UHRF2: variants seen among roughly 807,000 people sequenced by gnomAD.
The protein encoded by UHRF2 is E3 ubiquitin-protein ligase UHRF2.
Under a neutral mutation model 96.8 loss-of-function variants are expected in UHRF2, and 23 were observed. The ratio of observed to expected loss-of-function variants is 0.24; its 90% CI spans 0.17 to 0.34. The LOEUF is 0.34. Ranked by LOEUF, UHRF2 falls within the 10% of genes least tolerant of loss-of-function variation. The pLI, the probability that UHRF2 is intolerant of heterozygous loss-of-function variation, is 1.00. For synonymous variants in UHRF2, 385 were observed against 332.6 expected, an observed-to-expected ratio of 1.16 and a Z score of -1.72; for missense variants, 685 against 981.5, an observed-to-expected ratio of 0.70 and a Z score of 4.04.
At chr9:6,417,235 G>A (rs1218425101) in intron 1 of UHRF2, among the ~76,000 whole-genome samples, 1 of 152,078 alleles carries the variant, frequency 6.6e-6, no homozygotes, top group Non-Finnish European at 1.5e-5. Flanking sequence ...GTTACCTGGA[G>A]TTTCTTCTTT....
Position 6,497,217 on chromosome 9 carries a change from G to C in UHRF2, c.1624G>C (p.Asp542His). Residue 542 changes from aspartate to histidine, a missense_variant, in exon 11 of 16, where the codon GAT (aspartate) becomes CAT (histidine). Asp to His is a moderately conservative substitution (Grantham distance 81). Around this residue, in one of 6 missense-constraint regions of UHRF2, gnomAD observed 73 missense variants for 283.7 expected, o/e 0.26. Transcript: ENST00000276893. ...TTTTAGGGCATTGGCCCTAAACTGTGATGCTCCATTGGATGATAAAATTGG... is the reference window on the plus strand; with the variant it reads ...TTTTAGGGCATTGGCCCTAAACTGTCATGCTCCATTGGATGATAAAATTGG... ...NMNRALALNC[D>H]APLDDKIGAE... is the part of the protein sequence containing the mutation. 12 of 1,613,922 alleles carry C rather than the reference G, an allele frequency of 7.4e-6. No homozygotes were observed. Among genetic ancestry groups the C allele is most frequent in the Non-Finnish European group, 1.0e-5 (12 of 1,179,898 alleles).
At position 6,483,904 on chromosome 9, in the gene UHRF2, G is replaced by A. The variant is rs543608722; in HGVS notation, c.1392+1805G>A. ...GGGTTTCTCCATGTTGGTCAGGCTG[G>A]TCTCGAACTCCCAACCTCGGGTGAT... On this transcript the variant is annotated intron_variant, in intron 8 of 15. Coordinates refer to ENST00000276893, the MANE Select transcript of UHRF2 (RefSeq NM_152896.3). Among the ~76,000 whole-genome samples the A allele has an allele frequency of 5.9e-5, 9 of 152,208 alleles. No homozygotes were observed. In the South Asian group the frequency reaches 1.7e-3, roughly 28 times the overall value.
intron 10 of UHRF2, chr9:6,495,162 C>G (rs888220974): frequency 6.6e-6 from 1 of 152,094 alleles, no homozygotes; most frequent in African/African-American, 2.4e-5. Context: ...AAGGAACTTC[C>G]TTCATAACTA....
At position 6,506,110 on chromosome 9, in the gene UHRF2, C is replaced by T; in HGVS notation, c.2340C>T (p.Ile780=). The stretch of plus-strand genomic sequence containing the variant: ...GGCATGATCTTGGCCAGAATTACAT[C>T]ATGATTCCCAATGAGATTCTGCAGA... ...ACRHDLGQNY[I]MIPNEILQTL... is the part of the protein sequence containing the mutation. The change falls in exon 16 of 16, where the codon ATC becomes ATT. Residue 780 remains isoleucine, a synonymous_variant. Coordinates refer to ENST00000276893, the MANE Select transcript of UHRF2 (RefSeq NM_152896.3). The T allele has an allele frequency of 6.2e-7, 1 of 1,614,196 alleles. No homozygotes were observed. The highest frequency in any genetic ancestry group is 8.5e-7 in the Non-Finnish European group (1 of 1,180,036).
rs1251194924 is a variant in UHRF2 at position 6,413,582 on chromosome 9, G to A, written c.92G>A (p.Arg31Gln). The change falls in exon 1 of 16, where the codon CGG becomes CAG. Residue 31 changes from arginine (R) to glutamine (Q), a missense_variant. By Grantham distance (43) the Arg-to-Gln change is conservative (BLOSUM62 1). This residue lies in a region of UHRF2 where 13 missense variants were observed against 37.3 expected (regional missense o/e 0.35). Transcript: ENST00000276893. ...GCCACGATTGAGGAGCTGCGCGAGC[G>A]GGTGTGGGCGCTGTTCGACGTGCGG... Reference protein sequence around the residue: ...RKATIEELRERVWALFDVRPE... With the variant: ...RKATIEELREQVWALFDVRPE... 6.2e-7 allele frequency: 1 copy of A among 1,603,574 alleles called. No individual in the cohort carries two copies. Among genetic ancestry groups the A allele is most frequent in the Non-Finnish European group, 8.5e-7 (1 of 1,175,568 alleles).
chr9:6,495,548 CCTT>C (rs1000242114), intron 10 of UHRF2: 4 of 152,182 alleles, frequency 2.6e-5, no homozygotes, highest in Admixed American at 6.5e-5. Context: ...TAGTTCGACA[CCTT>C]CTTGCTTCTG....
At chr9:6,466,920 T>C (rs1191806637) in intron 4 of UHRF2, among the ~76,000 whole-genome samples, 1 of 152,246 alleles carries the variant, frequency 6.6e-6, no homozygotes, top group Admixed American at 6.5e-5. Flanking sequence ...CTTTTTAAAA[T>C]CACATACATA....
intron 6 of UHRF2, among the ~76,000 whole-genome samples, chr9:6,480,063 G>C (rs980210365): frequency 6.6e-6 from 1 of 152,064 alleles, no homozygotes; most frequent in Non-Finnish European, 1.5e-5. Context: ...TTTATGACCT[G>C]GTCCATATCT....
At chr9:6,425,623 C>T (rs1054547119) in intron 2 of UHRF2, among the ~76,000 whole-genome samples, 7 of 151,872 alleles carry the variant, frequency 4.6e-5, no homozygotes, top group East Asian at 1.9e-4. Flanking sequence ...ATTAGCTGGG[C>T]GTTGTGGCAC....
chr9:6,461,268 C>T (rs556020288), intron 4 of UHRF2, among the ~76,000 whole-genome samples: 7 of 152,056 alleles, frequency 4.6e-5, no homozygotes, highest in Non-Finnish European at 7.4e-5. Flanking sequence ...CAAAATGTCA[C>T]CTGAATCAAA....
chr9:6,446,674 A>G (rs1310784551), intron 3 of UHRF2, among the ~76,000 whole-genome samples: 1 of 151,538 alleles, frequency 6.6e-6, no homozygotes, highest in Non-Finnish European at 1.5e-5. Flanking sequence ...CAACGTGGTG[A>G]AACCCCGTCT....
At chr9:6,421,869 TTTG>T (rs1819951338) in intron 2 of UHRF2, among the ~76,000 whole-genome samples, 1 of 152,238 alleles carries the variant, frequency 6.6e-6, no homozygotes, top group Non-Finnish European at 1.5e-5. Context: ...TTTGTCTGTA[TTTG>T]AATTTTATAT....
chr9:6,453,069 CT>C (rs1397147227), intron 3 of UHRF2, among the ~76,000 whole-genome samples: 2 of 152,024 alleles, frequency 1.3e-5, no homozygotes, highest in African/African-American at 4.8e-5. Flanking sequence ...CATGACTTAC[CT>C]TTTACAGACT....
intron 3 of UHRF2, 185 bp downstream of exon 3, chr9:6,434,358 T>G: frequency 1.6e-6 from 1 of 630,544 alleles, no homozygotes. Flanking sequence ...CGATTATCTC[T>G]GGTTCTTAAG....
chr9:6,443,179 T>C (rs1821282364), intron 3 of UHRF2, among the ~76,000 whole-genome samples: 1 of 152,226 alleles, frequency 6.6e-6, no homozygotes, highest in South Asian at 2.1e-4. Context: ...CAAGTTGCAG[T>C]CTTTAACTGT....
intron 10 of UHRF2, chr9:6,494,288 C>T (rs950811126): frequency 1.0e-5 from 2 of 192,908 alleles, no homozygotes; most frequent in African/African-American, 4.7e-5. Flanking sequence ...TTAGAGTAAA[C>T]TCAGTAATTT....
chr9:6,450,426 T>C (rs570727125), intron 3 of UHRF2, among the ~76,000 whole-genome samples: 1 of 152,204 alleles, frequency 6.6e-6, no homozygotes, highest in East Asian at 1.9e-4. Flanking sequence ...TGTGTTAGTT[T>C]CCTGAGAAGC....
chr9:6,444,737 G>T (rs1821385022), intron 3 of UHRF2, among the ~76,000 whole-genome samples: 2 of 152,066 alleles, frequency 1.3e-5, no homozygotes, highest in African/African-American at 4.8e-5. Flanking sequence ...CAAGTAGCTG[G>T]GATTACAGGC....
At chr9:6,483,713 G>A (rs1824071302) in intron 8 of UHRF2, among the ~76,000 whole-genome samples, 1 of 152,198 alleles carries the variant, frequency 6.6e-6, no homozygotes. Context: ...TTTGGAGACA[G>A]AGTTTCACTC....
Sources: allele counts gnomAD v4.1 joint callset (sites outside exome capture counted in the v4.1 genomes callset), GRCh38; gene constraint gnomAD v4.1.1; regional missense constraint gnomAD v4.1.1; transcripts MANE v1.5; gene names NCBI Gene and HGNC (gene_info 2026-07-23, HGNC 2026-07-21).